The following FANCA variants were observed in gnomAD, a reference collection of about 807,000 sequenced individuals.
FANCA encodes the protein FA complementation group A.
FANCA carries 236 observed loss-of-function variants against 194.3 expected under a neutral mutation model. That is an observed-to-expected ratio of 1.21 (90% confidence interval 1.09 to 1.35). The LOEUF is 1.35. Ranked by LOEUF, FANCA falls within the 40% of genes most tolerant of loss-of-function variation. FANCA has a pLI of 0.00. For synonymous variants in FANCA, 1,014 were observed against 715.8 expected (o/e 1.42, Z -6.65); for missense variants, 2,628 against 1,813.9 (o/e 1.45, Z -8.15).
chr16:89,811,740 T>C (rs2040889607), intron 3 of FANCA, among the ~76,000 whole-genome samples: 1 of 151,966 alleles, frequency 6.6e-6, no homozygotes, highest in Non-Finnish European at 1.5e-5. Context: ...TTTTTTGTTT[T>C]ATTTTTTTGC....
rs1555547955 is a variant in FANCA, at chr16:89,770,613, A to AC, written c.2172dup (p.Ser725ValfsTer69). On this transcript the variant is annotated frameshift_variant, in exon 24 of 43. Coordinates refer to ENST00000389301, the MANE Select transcript of FANCA (RefSeq NM_000135.4). LOFTEE classifies it high-confidence loss of function. ...GCAGCCATCAGGTTCTGACAGAAAG[A>AC]CGTCAGCAGGAGGTCCACAGCCTGC... is the stretch of plus-strand genomic sequence containing the variant. 6.2e-7 allele frequency: 1 copy of AC among 1,611,584 alleles called. No homozygotes were observed. Among genetic ancestry groups the AC allele is most frequent in the Non-Finnish European group, 8.5e-7 (1 of 1,178,964 alleles).
intron 28 of FANCA, chr16:89,764,687 T>C (rs938222919): frequency 1.5e-6 from 1 of 684,156 alleles, no homozygotes; most frequent in African/African-American, 1.7e-5. Context: ...GTGCTGCTGT[T>C]CTTGCCTCTG....
intron 39 of FANCA, 96 bp from the exon 40 acceptor site, chr16:89,739,649 G>T: frequency 6.6e-7 from 1 of 1,509,760 alleles, no homozygotes; most frequent in Non-Finnish European, 9.0e-7. Context: ...TACCCTGGGA[G>T]GCCTGGCTGT....
chr16:89,798,825 G>C (rs2040338471), intron 10 of FANCA: 8 of 1,473,724 alleles, frequency 5.4e-6, no homozygotes, highest in South Asian at 1.4e-5. Context: ...GCCAGCTCTA[G>C]AGCCTGAATC....
chr16:89,746,840 G>C lies in FANCA; in HGVS notation c.3399C>G (p.His1133Gln), dbSNP rs369979902. 2 of 1,564,588 alleles carry C rather than the reference G, an allele frequency of 1.3e-6. No individual in the cohort carries two copies. Among genetic ancestry groups the C allele is most frequent in the African/African-American group, 2.7e-5 (2 of 73,496 alleles). Residue 1133 changes from histidine to glutamine, a missense_variant, in exon 34 of 43, where the codon CAC becomes CAG. Coordinates refer to ENST00000389301, the MANE Select transcript of FANCA (RefSeq NM_000135.4). ...TGAGGGAGCATCTCACCCTGAAGAA[G>C]TGGGCAGTGATGTCCTGTGTCAGGG... is the stretch of plus-strand genomic sequence containing the variant. ...GGALTQDITA[H>Q]FFRGLLNACL...
chr16:89,755,854 C>T (rs1382607230), intron 30 of FANCA, among the ~76,000 whole-genome samples: 4 of 151,754 alleles, frequency 2.6e-5, no homozygotes, highest in Non-Finnish European at 5.9e-5. Flanking sequence ...GGCCACACGG[C>T]ACGGCCCACC....
chr16:89,794,056 TTG>T (rs2040163076), intron 11 of FANCA, among the ~76,000 whole-genome samples: 1 of 150,316 alleles, frequency 6.7e-6, no homozygotes, highest in South Asian at 2.2e-4. Context: ...GGCCAAAAAG[TTG>T]TGTTTCAAAG....
intron 37 of FANCA, among the ~76,000 whole-genome samples, chr16:89,741,361 C>T (rs1332069162): frequency 6.6e-6 from 1 of 152,236 alleles, no homozygotes; most frequent in African/African-American, 2.4e-5. Context: ...TGAAGACGTA[C>T]TCAGAAGAAC....
intron 39 of FANCA, 181 bp from the exon 40 acceptor site, chr16:89,739,734 G>C: frequency 6.7e-7 from 1 of 1,495,854 alleles, no homozygotes; most frequent in Non-Finnish European, 8.9e-7. Context: ...GGATGGGGGG[G>C]TCGACCTCTT....
intron 6 of FANCA, among the ~76,000 whole-genome samples, chr16:89,806,254 T>C (rs1017745250): frequency 3.3e-5 from 5 of 152,142 alleles, no homozygotes; most frequent in Non-Finnish European, 7.3e-5. Flanking sequence ...CTGTTCCATT[T>C]GGACTTACGA....
intron 28 of FANCA, among the ~76,000 whole-genome samples, chr16:89,763,374 T>G (rs939111344): frequency 2.2e-4 from 33 of 152,164 alleles, no homozygotes; most frequent in Admixed American, 4.6e-4. Flanking sequence ...CTATTTTTAG[T>G]AGAGATGGGG....
intron 29 of FANCA, among the ~76,000 whole-genome samples, chr16:89,759,536 G>C (rs2038878821): frequency 6.6e-6 from 1 of 151,840 alleles, no homozygotes; most frequent in Non-Finnish European, 1.5e-5. Flanking sequence ...CAAGGTGGGA[G>C]GATCACTTGA....
chr16:89,805,136 C>A, intron 7 of FANCA, 144 bp downstream of exon 7: 1 of 692,736 alleles, frequency 1.4e-6, no homozygotes, highest in Non-Finnish European at 2.7e-6. Context: ...CCACAACAGG[C>A]TGAGACTGGG....
rs2040823398 is a variant in FANCA at position 89,810,220 on chromosome 16, G to A, written c.522+487C>T. On this transcript the variant is annotated intron_variant, in intron 5 of 42. Coordinates refer to ENST00000389301, the MANE Select transcript of FANCA (RefSeq NM_000135.4). ...CACCTGTAGTCCCAGCTACTCGGGAGGCTGAGGCAGGAGAATGGCGTGAAC... is the reference window on the plus strand; with the variant it reads ...CACCTGTAGTCCCAGCTACTCGGGAAGCTGAGGCAGGAGAATGGCGTGAAC... 2.0e-5 allele frequency among the ~76,000 whole-genome samples: 3 copies of A among 151,508 alleles called. No individual in the cohort carries two copies. In the South Asian group the frequency reaches 6.3e-4, roughly 32 times the overall value.
Position 89,778,835 on chromosome 16 carries a change from C to A in FANCA, c.1792G>T (p.Asp598Tyr). ...GACTCTATAAACGCCACACGGGAGT[C>A]AGGGACTTTGGGGAGCTGTGGGAAG... ...LTPRVLPKVP[D>Y]SRVAFIESLK... The change falls in exon 20 of 43, where the codon GAC becomes TAC. Residue 598 changes from aspartate to tyrosine, a missense_variant. Coordinates refer to ENST00000389301, the MANE Select transcript of FANCA (RefSeq NM_000135.4). The A allele has an allele frequency of 6.2e-7, 1 of 1,614,054 alleles. No homozygotes were observed. Among genetic ancestry groups the A allele is most frequent in the Non-Finnish European group, 8.5e-7 (1 of 1,180,016 alleles).
rs762502095 is a variant in FANCA at position 89,791,493 on chromosome 16, C to T, written c.1269G>A (p.Gln423=). The T allele has an allele frequency of 6.2e-7, 1 of 1,614,064 alleles. No individual in the cohort carries two copies. Among genetic ancestry groups the T allele is most frequent in the Non-Finnish European group, 8.5e-7 (1 of 1,180,032 alleles). ...GGAACGCAGTGACCATGCTGTCCAG[C>T]TGGCAGCTCTCGAATGCCTGGGCCA... ...RLMAQAFESC[Q]LDSMVTAFLV... The change falls in exon 14 of 43, where the codon CAG becomes CAA. Residue 423 remains glutamine, a synonymous_variant. Transcript: ENST00000389301.
At chr16:89,816,362 G>A (rs552203782) in intron 1 of FANCA, 175 bp downstream of exon 1, 22 of 369,674 alleles carry the variant, frequency 6.0e-5, no homozygotes, top group African/African-American at 4.1e-4. Flanking sequence ...GCGCAGGAGG[G>A]GCCGGGTCCG....
At chr16:89,809,299 C>CA (rs1383825579) in intron 5 of FANCA, among the ~76,000 whole-genome samples, 1 of 152,146 alleles carries the variant, frequency 6.6e-6, no homozygotes, top group African/African-American at 2.4e-5. Context: ...AATCTGTGAG[C>CA]ACATGAATCA....
intron 3 of FANCA, among the ~76,000 whole-genome samples, chr16:89,813,496 G>A (rs1183009601): frequency 6.6e-6 from 1 of 151,918 alleles, no homozygotes; most frequent in East Asian, 1.9e-4. Context: ...GCAATGGAGG[G>A]GTCTCGGCTC....
Sources: gnomAD v4.1 joint callset for allele counts (sites outside exome capture counted in the v4.1 genomes callset) on GRCh38, gnomAD v4.1.1 for gene constraint, MANE v1.5 for transcripts, NCBI Gene and HGNC (gene_info 2026-07-23, HGNC 2026-07-21) for gene names.